Variants in HOGA1 observed in about 807,000 individuals in gnomAD.
The protein encoded by HOGA1 is 4-hydroxy-2-oxoglutarate aldolase 1.
HOGA1 carries 30 observed loss-of-function variants against 34.3 expected under a neutral mutation model. The ratio of observed to expected loss-of-function variants is 0.87; its 90% CI spans 0.65 to 1.19. The LOEUF is 1.19. Among genes scored for constraint, HOGA1 ranks in the 50% most tolerant of loss-of-function variants. The pLI, the probability that HOGA1 is intolerant of heterozygous loss-of-function variation, is 0.00. For synonymous variants in HOGA1, 161 were observed against 174.0 expected, an observed-to-expected ratio of 0.93 and a Z score of 0.59; for missense variants, 417 against 436.5, an observed-to-expected ratio of 0.96 and a Z score of 0.40.
intron 6 of HOGA1, 43 bp from the exon 7 acceptor site, chr10:97,611,467 T>G (rs1262150148): frequency 3.1e-6 from 5 of 1,612,596 alleles, no homozygotes; most frequent in African/African-American, 1.3e-5. Flanking sequence ...ATATGGGTGT[T>G]CAGCAAATTT....
chr10:97,598,093 T>C (rs1227759053), intron 1 of HOGA1, among the ~76,000 whole-genome samples: 6 of 152,270 alleles, frequency 3.9e-5, no homozygotes, highest in Non-Finnish European at 8.8e-5. Flanking sequence ...TGTTTCAGCA[T>C]TGTTTGCAAT....
intron 1 of HOGA1, chr10:97,590,600 T>A: frequency 6.3e-7 from 1 of 1,596,658 alleles, no homozygotes; most frequent in Non-Finnish European, 8.5e-7. Context: ...CACCTAACCA[T>A]GGATGGAGAC....
intron 6 of HOGA1, among the ~76,000 whole-genome samples, chr10:97,605,030 G>A (rs927035703): frequency 8.6e-5 from 13 of 151,848 alleles, no homozygotes; most frequent in Non-Finnish European, 1.0e-4. Flanking sequence ...ACAGGTTTTC[G>A]TGTGTCCATA....
rs2041098819 is a variant in HOGA1 at position 97,599,484 on chromosome 10, T to C, written c.469-196T>C. 3 of 784,986 alleles carry C rather than the reference T, an allele frequency of 3.8e-6. No individual in the cohort carries two copies. In the South Asian group the frequency reaches 4.6e-5, roughly 12 times the overall value. The allele number at this position is 784,986 out of a possible 1,614,324, so 48.6% of individuals were successfully genotyped here. On this transcript the variant is annotated intron_variant, in intron 3 of 6. Transcript: ENST00000370646. ...CAGGAACATAAAGGCCTTAGAACTG[T>C]GCGTGGCATATGGAAAGCACTCCAT...
chr10:97,608,514 A>T (rs1378921248), intron 6 of HOGA1, among the ~76,000 whole-genome samples: 1 of 152,078 alleles, frequency 6.6e-6, no homozygotes, highest in Non-Finnish European at 1.5e-5. Context: ...TTGAAATATT[A>T]CTTATTTTGG....
rs767405535 is a variant in HOGA1, at chr10:97,599,094, C to T, written c.346C>T (p.Gln116Ter). 2.5e-6 allele frequency: 4 copies of T among 1,613,160 alleles called. No homozygotes were observed. The highest frequency in any genetic ancestry group is 3.4e-6 in the Non-Finnish European group (4 of 1,180,014). Residue 116 changes from glutamine to a stop codon, truncating the protein, a stop_gained, in exon 3 of 7, where the codon CAA (glutamine) becomes TAA (stop). Coordinates refer to ENST00000370646, the MANE Select transcript of HOGA1 (RefSeq NM_138413.4). LOFTEE classifies it high-confidence loss of function. ...LLAGSGCESTQATVEMTVSMA... is the reference protein window; with the variant it reads ...LLAGSGCEST ...CTCTCTCCTTCCTCTGGCAGCCACTCAAGCCACAGTGGAGATGACCGTCAG... is the reference window on the plus strand; with the variant it reads ...CTCTCTCCTTCCTCTGGCAGCCACTTAAGCCACAGTGGAGATGACCGTCAG...
At chr10:97,587,176 T>C (rs1264266388) in intron 1 of HOGA1, among the ~76,000 whole-genome samples, 4 of 152,174 alleles carry the variant, frequency 2.6e-5, no homozygotes, top group Non-Finnish European at 4.4e-5. Flanking sequence ...CTCTGAAATC[T>C]GTGTTTCTCT....
rs771812771 is a variant in HOGA1, at chr10:97,602,010, G to A, written c.834+20G>A. On this transcript the variant is annotated intron_variant, in intron 6 of 6. Coordinates refer to ENST00000370646, the MANE Select transcript of HOGA1 (RefSeq NM_138413.4). ...GCTGCGGTGAGCCAGTGGCAGCGGG[G>A]GCGCGGCCTGGCGGGGGGTGGGCAG... 1.9e-6 allele frequency: 3 copies of A among 1,600,520 alleles called. No individual in the cohort carries two copies. Among genetic ancestry groups the A allele is most frequent in the Middle Eastern group, 3.3e-4 (2 of 5,994 alleles).
chr10:97,606,014 G>C (rs1684456261), intron 6 of HOGA1, among the ~76,000 whole-genome samples: 1 of 151,722 alleles, frequency 6.6e-6, no homozygotes, highest in African/African-American at 2.4e-5. Flanking sequence ...TCTGGGCATG[G>C]TGGCTCACGC....
chr10:97,593,047 A>AAAAAAAAAAAAAAG (rs2041040181), intron 1 of HOGA1, among the ~76,000 whole-genome samples: 1 of 150,194 alleles, frequency 6.7e-6, no homozygotes, highest in African/African-American at 2.4e-5. Flanking sequence ...AAAAAAAAAA[A>AAAAAAAAAAAAAAG]AAAAGAGAAT....
rs1336694792 is a variant in HOGA1, at chr10:97,600,077, T to C, written c.614T>C (p.Ile205Thr). ...MKDSGGDVTR[I>T]GLIVHKTRKQ... Reference sequence around the variant, plus strand: ...CATTTGCTGTTGCAGGTGACCAGGATTGGGCTGATTGTTCACAAGACCAGG... The same window carrying C: ...CATTTGCTGTTGCAGGTGACCAGGACTGGGCTGATTGTTCACAAGACCAGG... Residue 205 changes from isoleucine (I) to threonine (T), a missense_variant, in exon 5 of 7, where the codon ATT becomes ACT. Physicochemically the swap from Ile to Thr is moderately conservative, Grantham distance 89. Transcript: ENST00000370646. 1.9e-6 allele frequency: 3 copies of C among 1,614,134 alleles called. No individual in the cohort carries two copies. The highest frequency in any genetic ancestry group is 2.7e-5 in the African/African-American group (2 of 75,040).
chr10:97,602,055 A>G, intron 6 of HOGA1, 65 bp downstream of exon 6: 1 of 1,565,406 alleles, frequency 6.4e-7, no homozygotes, highest in Non-Finnish European at 8.7e-7. Context: ...TCATTGGAGC[A>G]GGACCCAGGG....
At chr10:97,611,409 G>A in intron 6 of HOGA1, 101 bp from the exon 7 acceptor site, 1 of 1,361,784 alleles carries the variant, frequency 7.3e-7, no homozygotes, top group Non-Finnish European at 1.0e-6. Context: ...CCTGGGGGAA[G>A]AGGGTAGGAC....
chr10:97,590,159 G>T (rs770821820), intron 1 of HOGA1: 1 of 1,613,938 alleles, frequency 6.2e-7, no homozygotes, highest in African/African-American at 1.3e-5. Flanking sequence ...AGTGGGCTCC[G>T]CTCTGCACCG....
chr10:97,596,239 GCA>G (rs910371511), intron 1 of HOGA1, among the ~76,000 whole-genome samples: 9 of 152,280 alleles, frequency 5.9e-5, no homozygotes, highest in Admixed American at 4.6e-4. Flanking sequence ...GAAGCTTTGA[GCA>G]CAGTGTCTGC....
At chr10:97,598,927 T>C (rs2041093379) in intron 2 of HOGA1, 24 bp downstream of exon 2, 1 of 1,612,898 alleles carries the variant, frequency 6.2e-7, no homozygotes, top group Non-Finnish European at 8.5e-7. Context: ...CCCTGGGCCC[T>C]GGGGGTGGGT....
Position 97,584,613 on chromosome 10 carries a change from A to G in HOGA1, c.-91A>G, listed in dbSNP as rs544209799. ...AGGGAGGCCGCAAATTTTTAACTAG[A>G]AACATTGATCATTAATAGGGGGTTA... On this transcript the variant is annotated 5_prime_UTR_variant, in exon 1 of 7. Transcript: ENST00000370646. 1 of 1,230,642 alleles carries G rather than the reference A, an allele frequency of 8.1e-7. No individual in the cohort carries two copies. The highest frequency in any genetic ancestry group is 1.4e-5 in the South Asian group (1 of 70,188). The allele number at this position is 1,230,642 out of a possible 1,614,324, so 76.2% of individuals were successfully genotyped here. A position where few individuals can be genotyped will look rare whatever the true frequency, so the allele number is the denominator to read the frequency against.
intron 1 of HOGA1, among the ~76,000 whole-genome samples, chr10:97,586,842 T>C (rs533454849): frequency 6.6e-6 from 1 of 152,246 alleles, no homozygotes; most frequent in East Asian, 1.9e-4. Context: ...TCGCAACCTA[T>C]GCAGGCTCCA....
intron 1 of HOGA1, 21 bp downstream of exon 1, chr10:97,584,935 T>C (rs2040956250): frequency 1.9e-6 from 3 of 1,606,132 alleles, no homozygotes; most frequent in Non-Finnish European, 2.6e-6. Context: ...CTGTCCTCTG[T>C]GGGACCTGGG....
Sources: allele counts gnomAD v4.1 joint callset (sites outside exome capture counted in the v4.1 genomes callset), GRCh38; gene constraint gnomAD v4.1.1; transcripts MANE v1.5; gene names NCBI Gene and HGNC (gene_info 2026-07-23, HGNC 2026-07-21).